Variants in GNB2 observed in about 807,000 individuals in gnomAD.
The protein encoded by GNB2 is guanine nucleotide-binding protein G(I)/G(S)/G(T) subunit beta-2.
In GNB2, 7 loss-of-function variants were observed where a neutral mutation model predicts 40.7. The ratio of observed to expected loss-of-function variants is 0.17; its 90% confidence interval spans 0.10 to 0.32. The LOEUF (loss-of-function observed/expected upper bound fraction) is 0.32, where lower values mean the gene tolerates loss of function less well. Ranked by LOEUF, GNB2 falls within the 10% of genes least tolerant of loss-of-function variation. The probability of loss-of-function intolerance (pLI) is 1.00; values close to 1 mark genes in which losing one functional copy is unlikely to be tolerated. For missense variants in GNB2, 286 were observed against 473.0 expected (o/e 0.60, Z 3.67); for synonymous variants, 254 against 191.2 (o/e 1.33, Z -2.71).
rs776216054 is a variant in GNB2 at position 100,678,818 on chromosome 7, G to A, written c.*17G>A. 2 of 1,582,514 alleles carry A rather than the reference G, an allele frequency of 1.3e-6. No homozygotes were observed. Among genetic ancestry groups the A allele is most frequent in the Non-Finnish European group, 1.7e-6 (2 of 1,152,044 alleles). ...TGGAACTAATGGCCCCACCCCCACT[G>A]GGCCCAGGCCAGGAGGGGCCCTGCC... On this transcript the variant is annotated 3_prime_UTR_variant, in exon 10 of 10. Transcript: ENST00000303210.
chr7:100,677,932 C>T (rs1804390984), intron 7 of GNB2, 114 bp downstream of exon 7: 3 of 1,070,640 alleles, frequency 2.8e-6, no homozygotes, highest in Non-Finnish European at 2.8e-6. Flanking sequence ...TCCTGGTGGG[C>T]GCTAAGGGGG....
Position 100,679,055 on chromosome 7 carries a change from G to A in GNB2, c.*254G>A. Reference sequence around the variant, plus strand: ...CTGGGGTTGGGGCCTCACCCCTCTGGAGGGCCGGAGGCAGGAGGTGGAAAC... The same window carrying A: ...CTGGGGTTGGGGCCTCACCCCTCTGAAGGGCCGGAGGCAGGAGGTGGAAAC... On this transcript the variant is annotated 3_prime_UTR_variant, in exon 10 of 10. Transcript: ENST00000303210. 2 of 464,056 alleles carry A rather than the reference G, an allele frequency of 4.3e-6. No homozygotes were observed. Among genetic ancestry groups the A allele is most frequent in the Admixed American group, 3.7e-5 (1 of 26,876 alleles). 28.7% of individuals were successfully genotyped at this position (464,056 alleles called of 1,614,324 possible).
chr7:100,676,082 C>T (rs1213535373), intron 1 of GNB2, 95 bp from the exon 2 acceptor site: 1 of 512,138 alleles, frequency 2.0e-6, no homozygotes, highest in Non-Finnish European at 3.4e-6. Context: ...CCTTCCCCCT[C>T]CCCTTGCTTA....
intron 4 of GNB2, 56 bp from the exon 5 acceptor site, chr7:100,677,296 G>A: frequency 7.3e-7 from 1 of 1,375,376 alleles, no homozygotes; most frequent in Non-Finnish European, 1.0e-6. Flanking sequence ...AAAGGGAAGG[G>A]GGTGTGTCTT....
rs778746197 is a variant in GNB2, at chr7:100,676,734, G to A, written c.138G>A (p.Arg46=). Residue 46 remains arginine (R), a synonymous_variant, in exon 4 of 10, where the codon AGG becomes AGA. Coordinates refer to ENST00000303210, the MANE Select transcript of GNB2 (RefSeq NM_005273.4). ...ACCCAGTGGGGAGAATCCAGATGAGGACCCGGAGGACCCTCCGTGGGCACC... is the reference window on the plus strand; with the variant it reads ...ACCCAGTGGGGAGAATCCAGATGAGAACCCGGAGGACCCTCCGTGGGCACC... ...GLDPVGRIQM[R]TRRTLRGHLA... 6.2e-7 allele frequency: 1 copy of A among 1,609,672 alleles called. No individual in the cohort carries two copies. Among genetic ancestry groups the A allele is most frequent in the Non-Finnish European group, 8.5e-7 (1 of 1,178,114 alleles).
At position 100,678,470 on chromosome 7, in the gene GNB2, G is replaced by C. The variant is rs769547114; in HGVS notation, c.772G>C (p.Asp258His). The change falls in exon 9 of 10, where the codon GAT becomes CAT. Residue 258 changes from aspartate to histidine, a missense_variant. Transcript: ENST00000303210. ...GTGCCGCCTCTTCGACCTGCGGGCC[G>C]ATCAGGAGCTCCTCATGTACTCCCA... ...ATCRLFDLRA[D>H]QELLMYSHDN... is the part of the protein sequence containing the mutation. 1.2e-6 allele frequency: 2 copies of C among 1,613,774 alleles called. No individual in the cohort carries two copies. Among genetic ancestry groups the C allele is most frequent in the Non-Finnish European group, 1.7e-6 (2 of 1,179,948 alleles).
intron 2 of GNB2, 32 bp downstream of exon 2, chr7:100,676,354 G>C: frequency 6.4e-7 from 1 of 1,569,494 alleles, no homozygotes; most frequent in Non-Finnish European, 8.7e-7. Context: ...GGCGATTCAT[G>C]TGTACACCGC....
chr7:100,675,056 C>T (rs536856624), intron 1 of GNB2, among the ~76,000 whole-genome samples: 260 of 151,896 alleles, frequency 1.7e-3, no homozygotes, highest in Non-Finnish European at 3.0e-3. Flanking sequence ...CTGGGCCGGC[C>T]AAGTGCAGTG....
chr7:100,674,821 C>T (rs186203263), intron 1 of GNB2, among the ~76,000 whole-genome samples: 2 of 152,364 alleles, frequency 1.3e-5, no homozygotes, highest in East Asian at 3.9e-4. Flanking sequence ...CTGCCCTGGG[C>T]CTCCGGCGGT....
rs1448968506 is a variant in GNB2 at position 100,676,188 on chromosome 7, G to T, written c.-78G>T. On this transcript the variant is annotated 5_prime_UTR_variant, in exon 2 of 10. Transcript: ENST00000303210. ...CCTGCATCCCCCAGGCCTCGGGCCA[G>T]CGGCCAGGAGCTGCCTCCCCCAGCC... 1 of 837,008 alleles carries T rather than the reference G, an allele frequency of 1.2e-6. No individual in the cohort carries two copies. Among genetic ancestry groups the T allele is most frequent in the African/African-American group, 1.7e-5 (1 of 58,588 alleles). The allele number at this position is 837,008 out of a possible 1,614,324, so 51.8% of individuals were successfully genotyped here.
At position 100,678,419 on chromosome 7, in the gene GNB2, T is replaced by G. The variant is rs375676173; in HGVS notation, c.721T>G (p.Phe241Val). ...GCAGTTCTTCCCCAACGGCTACGCC[T>G]TCACCACCGGCTCTGACGACGCCAC... is the stretch of plus-strand genomic sequence containing the variant. Reference protein sequence around the residue: ...AVAFFPNGYAFTTGSDDATCR... With the variant: ...AVAFFPNGYAVTTGSDDATCR... Residue 241 changes from phenylalanine (F) to valine (V), a missense_variant, in exon 9 of 10, where the codon TTC (phenylalanine) becomes GTC (valine). Physicochemically the swap from Phe to Val is conservative, Grantham distance 50. Transcript: ENST00000303210. 2 of 1,613,476 alleles carry G rather than the reference T, an allele frequency of 1.2e-6. No individual in the cohort carries two copies. The highest frequency in any genetic ancestry group is 8.5e-7 in the Non-Finnish European group (1 of 1,179,912).
Position 100,676,330 on chromosome 7 carries a change from C to T in GNB2, c.57+8C>T. ...CTCCGGAACCAGATCCGGGTGAGGG[C>T]CTGGTGCGGGGCGGGCGATTCATGT... On this transcript the variant is annotated splice_region_variant and intron_variant, in intron 2 of 9. Coordinates refer to ENST00000303210, the MANE Select transcript of GNB2 (RefSeq NM_005273.4). The T allele has an allele frequency of 5.0e-6, 8 of 1,599,956 alleles. No individual in the cohort carries two copies. The highest frequency in any genetic ancestry group is 6.0e-6 in the Non-Finnish European group (7 of 1,172,302).
At chr7:100,675,208 C>T (rs1196584584) in intron 1 of GNB2, 1 of 150,598 alleles carries the variant, frequency 6.6e-6, no homozygotes, top group Non-Finnish European at 1.5e-5. Context: ...GCCAGGCCGC[C>T]TGGGGCCGCC....
chr7:100,675,880 C>A, intron 1 of GNB2: 1 of 227,346 alleles, frequency 4.4e-6, no homozygotes, highest in East Asian at 1.0e-4. Context: ...CCCCCGCCCC[C>A]CCCGCCCCAG....
intron 1 of GNB2, chr7:100,675,206 G>C (rs1804323105): frequency 6.6e-6 from 1 of 151,228 alleles, no homozygotes; most frequent in Admixed American, 6.6e-5. Context: ...CGGCCAGGCC[G>C]CCTGGGGCCG....
chr7:100,674,890 G>A (rs1804316361), intron 1 of GNB2, among the ~76,000 whole-genome samples: 1 of 152,210 alleles, frequency 6.6e-6, no homozygotes, highest in Non-Finnish European at 1.5e-5. Context: ...TGGGGGTTGG[G>A]TAGAGTAAGG....
chr7:100,676,681 C>T lies in GNB2; in HGVS notation c.97-12C>T, dbSNP rs761536555. ...CTGGGCCTCCCCGAGCGCATTCTGTCTCTACCTCCAGATCACAGCTGGGCT... is the reference window on the plus strand; with the variant it reads ...CTGGGCCTCCCCGAGCGCATTCTGTTTCTACCTCCAGATCACAGCTGGGCT... On this transcript the variant is annotated splice_polypyrimidine_tract_variant and intron_variant, in intron 3 of 9. Transcript: ENST00000303210. 6 of 1,599,468 alleles carry T rather than the reference C, an allele frequency of 3.8e-6. No individual in the cohort carries two copies. The highest frequency in any genetic ancestry group is 3.3e-5 in the Admixed American group (2 of 60,008).
rs1804423959 is a variant in GNB2 at position 100,678,735 on chromosome 7, G to C, written c.957G>C (p.Gly319=). ...ACGACAACCGCGTGAGCTGCCTCGG[G>C]GTCACCGACGATGGCATGGCTGTGG... ...AGHDNRVSCL[G]VTDDGMAVAT... Residue 319 remains glycine, a synonymous_variant, in exon 10 of 10, where the codon GGG becomes GGC. Transcript: ENST00000303210. 6.2e-7 allele frequency: 1 copy of C among 1,613,794 alleles called. No individual in the cohort carries two copies. Among genetic ancestry groups the C allele is most frequent in the Non-Finnish European group, 8.5e-7 (1 of 1,180,006 alleles).
rs548239676 is a variant in GNB2 at position 100,678,864 on chromosome 7, G to C, written c.*63G>C. The C allele has an allele frequency of 3.2e-6, 4 of 1,259,656 alleles. No homozygotes were observed. The East Asian group carries it at 9.4e-5, about 30-fold the overall frequency. 78.0% of individuals were successfully genotyped at this position (1,259,656 alleles called of 1,614,324 possible). ...CTGCCCATGCCCACACTACAGGCCAGGGCTGCGGGGCTGGCGCAATCCCAG... is the reference window on the plus strand; with the variant it reads ...CTGCCCATGCCCACACTACAGGCCACGGCTGCGGGGCTGGCGCAATCCCAG... On this transcript the variant is annotated 3_prime_UTR_variant, in exon 10 of 10. Transcript: ENST00000303210.
Sources: allele counts gnomAD v4.1 joint callset (sites outside exome capture counted in the v4.1 genomes callset), GRCh38; gene constraint gnomAD v4.1.1; transcripts MANE v1.5; gene names NCBI Gene and HGNC (gene_info 2026-07-23, HGNC 2026-07-21).